ARHGEF26: variants seen among roughly 807,000 people sequenced by gnomAD.
ARHGEF26 encodes the protein Rho guanine nucleotide exchange factor 26.
Under a neutral mutation model 89.4 loss-of-function variants are expected in ARHGEF26, and 59 were observed. That is an observed-to-expected ratio of 0.66 (90% CI 0.54 to 0.82). The LOEUF is 0.82. ARHGEF26 is among the 40% of genes least tolerant of loss of function. The pLI is 0.00. For synonymous variants in ARHGEF26, 500 were observed against 428.4 expected (o/e 1.17, Z -2.06); for missense variants, 1,234 against 1,085.6 (o/e 1.14, Z -1.92).
intron 9 of ARHGEF26, among the ~76,000 whole-genome samples, chr3:154,207,218 C>G (rs406617): frequency 6.6e-6 from 1 of 151,992 alleles, no homozygotes; most frequent in East Asian, 1.9e-4. Flanking sequence ...GATGAAGATG[C>G]CAAAAACAGT....
intron 9 of ARHGEF26, among the ~76,000 whole-genome samples, chr3:154,206,260 T>C (rs551559289): frequency 1.3e-5 from 2 of 152,322 alleles, no homozygotes; most frequent in South Asian, 2.1e-4. Flanking sequence ...CTGCCAGATA[T>C]ATTGCAGCTC....
chr3:154,248,044 T>C (rs1321144478), intron 12 of ARHGEF26, among the ~76,000 whole-genome samples: 1 of 152,200 alleles, frequency 6.6e-6, no homozygotes, highest in Non-Finnish European at 1.5e-5. Flanking sequence ...CAACAGGCTG[T>C]GGCAAGTGGA....
intron 12 of ARHGEF26, among the ~76,000 whole-genome samples, chr3:154,243,717 G>A (rs1370504572): frequency 6.6e-6 from 1 of 152,152 alleles, no homozygotes; most frequent in Non-Finnish European, 1.5e-5. Context: ...TACAGAGGGA[G>A]TGACTCTCTC....
At chr3:154,213,432 T>G (rs1433631032) in intron 9 of ARHGEF26, among the ~76,000 whole-genome samples, 1 of 98,622 alleles carries the variant, frequency 1.0e-5, no homozygotes, top group Non-Finnish European at 2.0e-5. Context: ...TTCAAAATAC[T>G]AATTAAAATC....
chr3:154,200,802 C>G (rs940151026), intron 9 of ARHGEF26, among the ~76,000 whole-genome samples: 1 of 151,510 alleles, frequency 6.6e-6, no homozygotes, highest in Non-Finnish European at 1.5e-5. Flanking sequence ...TTATAGAGAT[C>G]TTTCACTTCT....
chr3:154,176,850 C>T (rs10804766), intron 6 of ARHGEF26, among the ~76,000 whole-genome samples: 30,553 of 152,034 alleles, frequency 0.2, 3,955 homozygotes, highest in East Asian at 0.41. Flanking sequence ...TCCTACATTG[C>T]CCAGGCTAGT....
chr3:154,202,686 G>T (rs566494982), intron 9 of ARHGEF26, among the ~76,000 whole-genome samples: 1 of 151,788 alleles, frequency 6.6e-6, no homozygotes, highest in South Asian at 2.1e-4. Flanking sequence ...GTTGAGCAGT[G>T]GTTTGTAGTT....
At chr3:154,227,105 G>A (rs1218439912) in intron 11 of ARHGEF26, among the ~76,000 whole-genome samples, 1 of 152,092 alleles carries the variant, frequency 6.6e-6, no homozygotes, top group Non-Finnish European at 1.5e-5. Context: ...TTTCAGCTGA[G>A]TGGCTGTCTA....
intron 9 of ARHGEF26, among the ~76,000 whole-genome samples, chr3:154,195,822 G>A (rs1331197302): frequency 6.6e-6 from 1 of 152,126 alleles, no homozygotes; most frequent in African/African-American, 2.4e-5. Context: ...AGTGGATGAG[G>A]TTACTTAGGG....
chr3:154,121,899 C>T (rs919339612), intron 1 of ARHGEF26, 43 bp from the exon 2 acceptor site: 348 of 1,476,994 alleles, frequency 2.4e-4, no homozygotes, highest in Non-Finnish European at 2.8e-4. Context: ...CAGGCGTCCC[C>T]GGTTGTCCAG....
chr3:154,219,298 A>G (rs984503340), intron 10 of ARHGEF26, among the ~76,000 whole-genome samples: 1 of 152,172 alleles, frequency 6.6e-6, no homozygotes, highest in Non-Finnish European at 1.5e-5. Flanking sequence ...AGATTACTTT[A>G]AGAAACTCTG....
rs1054484631 is a variant in ARHGEF26 at position 154,256,035 on chromosome 3, G to A, written c.*562G>A. On this transcript the variant is annotated 3_prime_UTR_variant, in exon 15 of 15. Coordinates refer to ENST00000465093, the MANE Select transcript of ARHGEF26 (RefSeq NM_015595.4). ...TTTCTAAACCTCTTCCCAGGAAGGG[G>A]ACATTGACACTTGAATTTTTGTCAC... is the stretch of plus-strand genomic sequence containing the variant. 31 of 985,548 alleles carry A rather than the reference G, an allele frequency of 3.1e-5. No homozygotes were observed. The highest frequency in any genetic ancestry group is 6.2e-5 in the Admixed American group (1 of 16,244). 61.1% of individuals were successfully genotyped at this position (985,548 alleles called of 1,614,324 possible).
At chr3:154,123,352 T>C (rs746260389) in intron 2 of ARHGEF26, among the ~76,000 whole-genome samples, 1 of 152,106 alleles carries the variant, frequency 6.6e-6, no homozygotes, top group Non-Finnish European at 1.5e-5. Flanking sequence ...TATGGCAGAT[T>C]ATTGGCTGAG....
chr3:154,233,107 A>G (rs1559916572), intron 11 of ARHGEF26, among the ~76,000 whole-genome samples: 1 of 152,066 alleles, frequency 6.6e-6, no homozygotes, highest in East Asian at 1.9e-4. Context: ...CTGGGATTAC[A>G]GGTGTGAGCC....
chr3:154,151,177 A>C (rs1255986198), intron 5 of ARHGEF26, among the ~76,000 whole-genome samples: 1 of 152,206 alleles, frequency 6.6e-6, no homozygotes, highest in Non-Finnish European at 1.5e-5. Flanking sequence ...CTTGAAACAT[A>C]CCTCAAAATT....
At chr3:154,251,833 C>T (rs150862935) in intron 12 of ARHGEF26, among the ~76,000 whole-genome samples, 62 of 152,232 alleles carry the variant, frequency 4.1e-4, no homozygotes, top group African/African-American at 1.4e-3. Flanking sequence ...CACCTTTGGA[C>T]AGAGGTTATT....
chr3:154,194,829 G>A (rs1015220654), intron 9 of ARHGEF26, 111 bp downstream of exon 9: 8 of 873,356 alleles, frequency 9.2e-6, no homozygotes, highest in Non-Finnish European at 1.5e-5. Flanking sequence ...ACAGCCATTT[G>A]TACAGCGTTC....
In ARHGEF26 at chr3:154,122,296, A is replaced by G. The variant is rs535207968; in HGVS notation, c.304A>G (p.Arg102Gly). ...TGGTGGGACGGCATCCCCGGAGTACAGGGCTGCCTCTCCTCGACTTCGACG... is the reference window on the plus strand; with the variant it reads ...TGGTGGGACGGCATCCCCGGAGTACGGGGCTGCCTCTCCTCGACTTCGACG... Reference protein sequence around the residue: ...ANGGTASPEYRAASPRLRRPK... With the variant: ...ANGGTASPEYGAASPRLRRPK... The change falls in exon 2 of 15, where the codon AGG becomes GGG. Residue 102 changes from arginine (R) to glycine (G), a missense_variant. Transcript: ENST00000465093. The G allele has an allele frequency of 4.7e-5, 76 of 1,612,744 alleles. No homozygotes were observed. The highest frequency in any genetic ancestry group is 4.5e-4 in the African/African-American group (34 of 75,046).
intron 9 of ARHGEF26, among the ~76,000 whole-genome samples, chr3:154,207,979 A>C (rs1292721130): frequency 1.3e-5 from 2 of 152,232 alleles, no homozygotes; most frequent in Non-Finnish European, 2.9e-5. Flanking sequence ...TATCCTTAGC[A>C]AAGTAATGCA....
Sources: allele counts gnomAD v4.1 joint callset (sites outside exome capture counted in the v4.1 genomes callset), GRCh38; gene constraint gnomAD v4.1.1; transcripts MANE v1.5; gene names NCBI Gene and HGNC (gene_info 2026-07-23, HGNC 2026-07-21).